Variants in SKAP2 observed in about 807,000 individuals in gnomAD.
SKAP2 encodes the protein src kinase-associated phosphoprotein 2.
A neutral mutation model predicts 54.9 loss-of-function variants in SKAP2; 28 were observed. The ratio of observed to expected loss-of-function variants is 0.51; its 90% CI spans 0.38 to 0.70. The LOEUF (loss-of-function observed/expected upper bound fraction) is 0.70, where lower values mean the gene tolerates loss of function less well. Among genes scored for constraint, SKAP2 ranks in the 30% least tolerant of loss-of-function variants. SKAP2 has a pLI of 0.00. For synonymous variants in SKAP2, 137 were observed against 134.3 expected (o/e 1.02, Z -0.14); for missense variants, 356 against 424.1 (o/e 0.84, Z 1.41).
At chr7:26,742,640 T>A (rs951125807) in intron 4 of SKAP2, among the ~76,000 whole-genome samples, 2 of 147,156 alleles carry the variant, frequency 1.4e-5, no homozygotes, top group African/African-American at 5.4e-5. Context: ...GGGGAGTACA[T>A]TTTTTTTAAC....
Position 26,845,267 on chromosome 7 carries a change from G to C in SKAP2, c.200-1130C>G, listed in dbSNP as rs534407560. Among the ~76,000 whole-genome samples, 108 of 152,128 alleles carry C rather than the reference G, an allele frequency of 7.1e-4. 2 individuals carry two copies. Among genetic ancestry groups the C allele is most frequent in the Admixed American group, 1.0e-3 (16 of 15,278 alleles). ...TATCTTTGTCCTCTGACACCCATTT[G>C]ATGGGTGTCACCCTATTTGTTACCA... On this transcript the variant is annotated intron_variant, in intron 3 of 12. Coordinates refer to ENST00000345317, the MANE Select transcript of SKAP2 (RefSeq NM_003930.5).
chr7:26,831,141 T>C (rs951221572), intron 4 of SKAP2, among the ~76,000 whole-genome samples: 1 of 152,164 alleles, frequency 6.6e-6, no homozygotes, highest in African/African-American at 2.4e-5. Context: ...AGTTTGTAAA[T>C]TTTTAGTCAC....
intron 3 of SKAP2, among the ~76,000 whole-genome samples, chr7:26,849,485 A>T (rs1398163624): frequency 1.3e-5 from 2 of 151,926 alleles, no homozygotes; most frequent in African/African-American, 4.8e-5. Context: ...GGAGTTCGAG[A>T]CCAGCCTGAC....
chr7:26,824,019 A>G (rs1222118713), intron 4 of SKAP2, among the ~76,000 whole-genome samples: 1 of 152,222 alleles, frequency 6.6e-6, no homozygotes, highest in Non-Finnish European at 1.5e-5. Flanking sequence ...ATTGACTCCA[A>G]TTCTTAAAGA....
chr7:26,774,201 T>C (rs1308229963), intron 4 of SKAP2, among the ~76,000 whole-genome samples: 1 of 152,060 alleles, frequency 6.6e-6, no homozygotes, highest in African/African-American at 2.4e-5. Context: ...TAGTCCCAGC[T>C]ACTCAGGAGG....
the SKAP2 span, among the ~76,000 whole-genome samples, chr7:26,661,748 A>AT: frequency 6.6e-6 from 1 of 152,202 alleles, no homozygotes; most frequent in African/African-American, 2.4e-5. Context: ...TTCAAGTAGT[A>AT]TTACAGCCAA....
intron 4 of SKAP2, among the ~76,000 whole-genome samples, chr7:26,774,981 G>A (rs1783272225): frequency 6.6e-6 from 1 of 152,192 alleles, no homozygotes. Flanking sequence ...TTATTCTAAA[G>A]GGATCTTTTA....
intron 4 of SKAP2, among the ~76,000 whole-genome samples, chr7:26,801,278 C>T (rs1474185412): frequency 6.6e-6 from 1 of 152,118 alleles, no homozygotes; most frequent in African/African-American, 2.4e-5. Context: ...TCAACTGATG[C>T]TGAAAAGGCA....
chr7:26,809,987 T>C (rs1170830889), intron 4 of SKAP2, among the ~76,000 whole-genome samples: 1 of 152,124 alleles, frequency 6.6e-6, no homozygotes, highest in Admixed American at 6.6e-5. Flanking sequence ...TTAAGTTAAG[T>C]AAAAAAGCCA....
At chr7:26,805,598 GA>G (rs1784009671) in intron 4 of SKAP2, among the ~76,000 whole-genome samples, 1 of 152,194 alleles carries the variant, frequency 6.6e-6, no homozygotes, top group Admixed American at 6.5e-5. Context: ...AAACTCATGT[GA>G]AAAGGGACCA....
intron 4 of SKAP2, among the ~76,000 whole-genome samples, chr7:26,824,398 T>C (rs942162606): frequency 1.3e-5 from 2 of 152,172 alleles, no homozygotes; most frequent in African/African-American, 4.8e-5. Flanking sequence ...AAACACAACG[T>C]AAGCTCAGTA....
chr7:26,760,103 C>CT (rs1782892565), intron 4 of SKAP2, among the ~76,000 whole-genome samples: 1 of 152,088 alleles, frequency 6.6e-6, no homozygotes, highest in South Asian at 2.1e-4. Context: ...AATGACAGAT[C>CT]TTTTTTTAGG....
At chr7:26,855,639 C>T (rs1785146335) in intron 1 of SKAP2, among the ~76,000 whole-genome samples, 1 of 152,038 alleles carries the variant, frequency 6.6e-6, no homozygotes, top group Non-Finnish European at 1.5e-5. Context: ...CTTCATGTAA[C>T]ATTCCCTCAT....
intron 4 of SKAP2, among the ~76,000 whole-genome samples, chr7:26,753,079 T>C (rs1782719787): frequency 6.6e-6 from 1 of 152,232 alleles, no homozygotes; most frequent in South Asian, 2.1e-4. Context: ...GTGTAGCAGT[T>C]TTTCTTCTTA....
intron 11 of SKAP2, among the ~76,000 whole-genome samples, chr7:26,677,694 A>G (rs201092145): frequency 5.3e-5 from 8 of 152,076 alleles, no homozygotes; most frequent in African/African-American, 1.9e-4. Flanking sequence ...GATACCCTAC[A>G]TTGTGTTTTA....
chr7:26,802,100 TCATA>T (rs879528200), intron 4 of SKAP2, among the ~76,000 whole-genome samples: 1 of 151,998 alleles, frequency 6.6e-6, no homozygotes, highest in Admixed American at 6.6e-5. Flanking sequence ...TAACTTCAAA[TCATA>T]CTACAGAGTT....
At chr7:26,737,590 A>G (rs1194744582) in intron 6 of SKAP2, among the ~76,000 whole-genome samples, 1 of 152,230 alleles carries the variant, frequency 6.6e-6, no homozygotes, top group East Asian at 1.9e-4. Flanking sequence ...ATAAATTTCC[A>G]AACAACACTG....
chr7:26,705,467 A>G (rs1787136406), intron 9 of SKAP2, among the ~76,000 whole-genome samples: 1 of 152,184 alleles, frequency 6.6e-6, no homozygotes, highest in Non-Finnish European at 1.5e-5. Context: ...TGAACAGTCT[A>G]CTTAAGAGCA....
At chr7:26,809,178 C>G (rs1784086916) in intron 4 of SKAP2, among the ~76,000 whole-genome samples, 1 of 152,108 alleles carries the variant, frequency 6.6e-6, no homozygotes, top group Admixed American at 6.6e-5. Context: ...CTTTGGGAGG[C>G]CAAGGTGGGC....
Sources: gnomAD v4.1 joint callset for allele counts (sites outside exome capture counted in the v4.1 genomes callset) on GRCh38, gnomAD v4.1.1 for gene constraint, MANE v1.5 for transcripts, NCBI Gene and HGNC (gene_info 2026-07-23, HGNC 2026-07-21) for gene names.